The following TSGA10 variants were observed in gnomAD, a reference collection of about 807,000 sequenced individuals.
The protein encoded by TSGA10 is testis specific 10.
In TSGA10, 43 loss-of-function variants were observed where a neutral mutation model predicts 96.6. That is an observed-to-expected ratio of 0.44 (90% CI 0.35 to 0.57). The LOEUF is 0.57. Among genes scored for constraint, TSGA10 ranks in the 20% least tolerant of loss-of-function variants. The pLI, the probability that TSGA10 is intolerant of heterozygous loss-of-function variation, is 0.01. For synonymous variants in TSGA10, 229 were observed against 269.9 expected (o/e 0.85, Z 1.48); for missense variants, 703 against 834.4 (o/e 0.84, Z 1.94).
At chr2:99,131,031 A>C (rs2093055622) in intron 1 of TSGA10, among the ~76,000 whole-genome samples, 1 of 152,170 alleles carries the variant, frequency 6.6e-6, no homozygotes, top group African/African-American at 2.4e-5. Flanking sequence ...TGTTTTGATT[A>C]CTGTAGCCTT....
intron 10 of TSGA10, among the ~76,000 whole-genome samples, chr2:99,098,451 A>AAAAG (rs1559007878): frequency 1.2e-4 from 15 of 128,690 alleles, no homozygotes; most frequent in East Asian, 5.2e-4. Context: ...AAAAAAAAAA[A>AAAAG]AAAAGAAAAG....
chr2:99,062,397 A>G (rs1043802572), intron 16 of TSGA10, among the ~76,000 whole-genome samples: 2 of 152,224 alleles, frequency 1.3e-5, no homozygotes, highest in Non-Finnish European at 2.9e-5. Flanking sequence ...ACAACAAAGT[A>G]AAAATAGACT....
intron 20 of TSGA10, among the ~76,000 whole-genome samples, chr2:99,012,849 A>G (rs897569542): frequency 3.3e-5 from 5 of 152,222 alleles, no homozygotes; most frequent in African/African-American, 1.2e-4. Flanking sequence ...TTTACAGAAC[A>G]TTCTACCCAA....
intron 10 of TSGA10, among the ~76,000 whole-genome samples, chr2:99,103,163 AACT>A (rs1483390724): frequency 1.3e-5 from 2 of 151,936 alleles, no homozygotes; most frequent in African/African-American, 4.8e-5. Context: ...TAGGAGTGTG[AACT>A]ACTATTTTTC....
At chr2:99,098,141 T>C (rs1559006413) in intron 10 of TSGA10, among the ~76,000 whole-genome samples, 1 of 151,768 alleles carries the variant, frequency 6.6e-6, no homozygotes, top group Non-Finnish European at 1.5e-5. Flanking sequence ...ATGTTTCTAT[T>C]AGAAAAAAAG....
At chr2:99,037,424 A>G (rs1394024724) in intron 16 of TSGA10, among the ~76,000 whole-genome samples, 2 of 152,258 alleles carry the variant, frequency 1.3e-5, no homozygotes, top group African/African-American at 4.8e-5. Context: ...ATCACAAAAA[A>G]AATTTAGAAT....
At chr2:99,048,735 T>A (rs1435695670) in intron 16 of TSGA10, among the ~76,000 whole-genome samples, 1 of 151,872 alleles carries the variant, frequency 6.6e-6, no homozygotes, top group African/African-American at 2.4e-5. Flanking sequence ...ACAAATGGGA[T>A]CTAATTAAAC....
intron 17 of TSGA10, among the ~76,000 whole-genome samples, chr2:99,033,559 G>C (rs2081328903): frequency 6.6e-6 from 1 of 152,200 alleles, no homozygotes; most frequent in Non-Finnish European, 1.5e-5. Flanking sequence ...GGCAGATAAA[G>C]TGGCTACATT....
intron 10 of TSGA10, among the ~76,000 whole-genome samples, chr2:99,094,371 A>T (rs1211167482): frequency 6.6e-6 from 1 of 152,192 alleles, no homozygotes; most frequent in African/African-American, 2.4e-5. Context: ...AGAACCCAAA[A>T]GCAAATGGAA....
At chr2:99,006,194 A>G (rs2078453833) in intron 20 of TSGA10, among the ~76,000 whole-genome samples, 2 of 152,234 alleles carry the variant, frequency 1.3e-5, no homozygotes, top group Admixed American at 1.3e-4. Flanking sequence ...AAAACCTTAG[A>G]AGAAAACCTA....
At chr2:99,116,727 TA>T (rs572754690) in intron 4 of TSGA10, among the ~76,000 whole-genome samples, 7 of 152,042 alleles carry the variant, frequency 4.6e-5, no homozygotes, top group African/African-American at 7.2e-5. Flanking sequence ...AAATGTTAGT[TA>T]AAAAAAAGTT....
rs187335963 is a variant in TSGA10 at position 99,041,292 on chromosome 2, A to G, written c.1405-5853T>C. Reference sequence around the variant, plus strand: ...GGCACCCTTTCTGCAGAAAGTAAAAATGGCCTTGCTGAGGGAATTAAATTT... The same window carrying G: ...GGCACCCTTTCTGCAGAAAGTAAAAGTGGCCTTGCTGAGGGAATTAAATTT... On this transcript the variant is annotated intron_variant, in intron 16 of 20. Transcript: ENST00000393483. Among the ~76,000 whole-genome samples the G allele has an allele frequency of 5.1e-3, 784 of 152,342 alleles. 5 individuals are homozygous for G. Among genetic ancestry groups the G allele is most frequent in the Non-Finnish European group, 8.0e-3 (545 of 68,030 alleles).
At chr2:99,146,633 T>C (rs1367741393) in intron 1 of TSGA10, among the ~76,000 whole-genome samples, 1 of 152,064 alleles carries the variant, frequency 6.6e-6, no homozygotes, top group Non-Finnish European at 1.5e-5. Flanking sequence ...TGCACTCCAC[T>C]TTTTTTTCTT....
intron 10 of TSGA10, among the ~76,000 whole-genome samples, chr2:99,082,089 T>C (rs761110061): frequency 6.6e-6 from 1 of 152,224 alleles, no homozygotes; most frequent in Non-Finnish European, 1.5e-5. Flanking sequence ...AGTTAACCTG[T>C]GTAAGCAGAC....
At chr2:99,143,067 T>C (rs1315727289) in intron 1 of TSGA10, among the ~76,000 whole-genome samples, 1 of 150,342 alleles carries the variant, frequency 6.7e-6, no homozygotes, top group African/African-American at 2.4e-5. Flanking sequence ...CCTGAGAAAG[T>C]AAAAATTTCC....
intron 1 of TSGA10, among the ~76,000 whole-genome samples, chr2:99,131,407 A>G (rs554414676): frequency 2.6e-5 from 4 of 152,294 alleles, no homozygotes; most frequent in South Asian, 2.1e-4. Flanking sequence ...GAGGTCACTC[A>G]TGATTTGGCT....
intron 16 of TSGA10, among the ~76,000 whole-genome samples, chr2:99,054,797 G>T (rs1258598071): frequency 6.6e-6 from 1 of 152,108 alleles, no homozygotes; most frequent in East Asian, 1.9e-4. Flanking sequence ...TTAAAGAAAT[G>T]CAAAGTAAAA....
In TSGA10 at chr2:98,997,917, C is replaced by G; in HGVS notation, c.*280G>C. 1 of 319,628 alleles carries G rather than the reference C, an allele frequency of 3.1e-6. No individual in the cohort carries two copies. Among genetic ancestry groups the G allele is most frequent in the Non-Finnish European group, 5.7e-6 (1 of 176,540 alleles). The allele number at this position is 319,628 out of a possible 1,614,324, so 19.8% of individuals were successfully genotyped here. On this transcript the variant is annotated 3_prime_UTR_variant, in exon 21 of 21. Transcript: ENST00000393483. ...CTGTTTTAATAAGCTTCTTTATTTA[C>G]TCCAGATAGTGAACAGAATAGTGTT... is the stretch of plus-strand genomic sequence containing the variant.
chr2:99,057,998 G>C (rs765341623), intron 16 of TSGA10, among the ~76,000 whole-genome samples: 2 of 152,078 alleles, frequency 1.3e-5, no homozygotes, highest in Non-Finnish European at 2.9e-5. Context: ...AAATGGTGGG[G>C]GGAGGGGAGA....
Sources: gnomAD v4.1 joint callset for allele counts (sites outside exome capture counted in the v4.1 genomes callset) on GRCh38, gnomAD v4.1.1 for gene constraint, MANE v1.5 for transcripts, NCBI Gene and HGNC (gene_info 2026-07-23, HGNC 2026-07-21) for gene names.